Variants in PPARGC1B observed in about 807,000 individuals in gnomAD.
PPARGC1B encodes peroxisome proliferator-activated receptor gamma coactivator 1-beta.
A neutral mutation model predicts 101.6 loss-of-function variants in PPARGC1B; 34 were observed. The observed-to-expected ratio is 0.33, with a 90% CI of 0.25 to 0.45. The LOEUF is 0.45. PPARGC1B is among the 20% of genes least tolerant of loss of function. The pLI is 1.00. For synonymous variants in PPARGC1B, 548 were observed against 539.3 expected, an observed-to-expected ratio of 1.02 and a Z score of -0.22; for missense variants, 1,234 against 1,317.6, an observed-to-expected ratio of 0.94 and a Z score of 0.98.
chr5:149,786,699 T>C (rs1399432209), intron 1 of PPARGC1B, among the ~76,000 whole-genome samples: 5 of 152,178 alleles, frequency 3.3e-5, no homozygotes, highest in African/African-American at 1.2e-4. Context: ...GTTGAGAAGA[T>C]CAAGGGGAGG....
intron 1 of PPARGC1B, among the ~76,000 whole-genome samples, chr5:149,769,190 T>G (rs566676633): frequency 9.2e-5 from 14 of 152,344 alleles, no homozygotes; most frequent in African/African-American, 3.4e-4. Flanking sequence ...CTAATGCCGC[T>G]GCTGATCTTA....
intron 11 of PPARGC1B, chr5:149,847,013 A>C (rs1759590730): frequency 4.6e-6 from 1 of 216,070 alleles, no homozygotes; most frequent in African/African-American, 2.3e-5. Flanking sequence ...TGAACCCGAG[A>C]GGCAGAGGTT....
intron 1 of PPARGC1B, among the ~76,000 whole-genome samples, chr5:149,785,228 C>G (rs924373281): frequency 5.3e-5 from 8 of 151,682 alleles, no homozygotes; most frequent in African/African-American, 1.7e-4. Context: ...GGACCAGATG[C>G]CCTCTTTTAA....
At chr5:149,786,163 G>A (rs1041976053) in intron 1 of PPARGC1B, among the ~76,000 whole-genome samples, 6 of 152,000 alleles carry the variant, frequency 3.9e-5, no homozygotes, top group Admixed American at 6.6e-5. Context: ...CTCGATCTCC[G>A]CTCACTGCAA....
chr5:149,778,092 CACACACACACACACACACAG>C (rs1183022472), intron 1 of PPARGC1B, among the ~76,000 whole-genome samples: 1,679 of 133,950 alleles, frequency 0.013, 179 homozygotes, highest in Non-Finnish European at 0.019. Context: ...CACACACACA[CACACACACACACACACACAG>C]AGTACCCAGC....
At chr5:149,842,155 C>A in intron 9 of PPARGC1B, 101 bp from the exon 10 acceptor site, 3 of 1,442,196 alleles carry the variant, frequency 2.1e-6, no homozygotes, top group South Asian at 1.3e-5. Context: ...CTCAGCCAGG[C>A]ATCATGGACT....
intron 1 of PPARGC1B, among the ~76,000 whole-genome samples, chr5:149,786,440 T>C (rs928319633): frequency 6.6e-6 from 1 of 152,204 alleles, no homozygotes; most frequent in Non-Finnish European, 1.5e-5. Flanking sequence ...TTTTGCCATG[T>C]TGCCCAGGCT....
chr5:149,737,064 C>T (rs1379012038), intron 1 of PPARGC1B, among the ~76,000 whole-genome samples: 4 of 152,186 alleles, frequency 2.6e-5, no homozygotes, highest in African/African-American at 9.7e-5. Context: ...TCTACCTTTT[C>T]ATTTCTTCTG....
At chr5:149,847,395 TC>T (rs1270733836) in intron 11 of PPARGC1B, 62 bp from the exon 12 acceptor site, 6 of 1,229,374 alleles carry the variant, frequency 4.9e-6, no homozygotes, top group Non-Finnish European at 7.2e-6. Context: ...TCTTCAACCA[TC>T]CGGTCTTTGT....
downstream of PPARGC1B, among the ~76,000 whole-genome samples, chr5:149,856,554 C>T (rs1759956900): frequency 6.6e-6 from 1 of 152,190 alleles, no homozygotes; most frequent in South Asian, 2.1e-4. Context: ...CCTTTGGGAC[C>T]CATCTCTGCC....
chr5:149,785,615 C>T (rs532675641), intron 1 of PPARGC1B, among the ~76,000 whole-genome samples: 1 of 152,364 alleles, frequency 6.6e-6, no homozygotes, highest in South Asian at 2.1e-4. Flanking sequence ...GCCTTGGCCT[C>T]TACTCTGCCT....
At chr5:149,762,527 C>A (rs956970029) in intron 1 of PPARGC1B, among the ~76,000 whole-genome samples, 2 of 152,150 alleles carry the variant, frequency 1.3e-5, no homozygotes, top group African/African-American at 4.8e-5. Flanking sequence ...ACCCATGGGG[C>A]CTCTCAGTGA....
chr5:149,849,946 A>G lies in PPARGC1B; in HGVS notation c.*2388A>G, dbSNP rs1258673043. The G allele has an allele frequency of 6.6e-6, 1 of 152,236 alleles. No homozygotes were observed. The highest frequency in any genetic ancestry group is 2.4e-5 in the African/African-American group (1 of 41,456). 9.4% of individuals were successfully genotyped at this position (152,236 alleles called of 1,614,324 possible). Reference sequence around the variant, plus strand: ...ATTCACTGCCTAGCACATAGTAGGCACACAATAAATGATTATGGAATGGGA... The same window carrying G: ...ATTCACTGCCTAGCACATAGTAGGCGCACAATAAATGATTATGGAATGGGA... On this transcript the variant is annotated 3_prime_UTR_variant, in exon 12 of 12. Transcript: ENST00000309241.
chr5:149,746,709 T>G (rs1032495861), intron 1 of PPARGC1B, among the ~76,000 whole-genome samples: 4 of 152,194 alleles, frequency 2.6e-5, no homozygotes, highest in Non-Finnish European at 5.9e-5. Flanking sequence ...CATTTAACAT[T>G]CCTACCAACA....
chr5:149,842,517 C>A (rs562603771), intron 10 of PPARGC1B, 140 bp downstream of exon 10: 2 of 1,189,138 alleles, frequency 1.7e-6, no homozygotes, highest in East Asian at 2.4e-5. Flanking sequence ...AAGCCAGGCC[C>A]ATGAGAAGGA....
chr5:149,769,172 A>G lies in PPARGC1B; in HGVS notation c.78+38752A>G, dbSNP rs190815989. On this transcript the variant is annotated intron_variant, in intron 1 of 11. Coordinates refer to ENST00000309241, the MANE Select transcript of PPARGC1B (RefSeq NM_133263.4). ...AGTTCACAATAGGGGTTGTGCTCCT[A>G]TGAGAATCTAATGCCGCTGCTGATC... 5.4e-4 allele frequency among the ~76,000 whole-genome samples: 83 copies of G among 152,344 alleles called. 1 individual carries two copies. In the East Asian group the frequency reaches 0.015, roughly 27 times the overall value.
intron 1 of PPARGC1B, among the ~76,000 whole-genome samples, chr5:149,761,237 GTGTGTGTGTGCTTGTGTGTATGTGTC>G (rs1266226490): frequency 6.6e-6 from 1 of 152,108 alleles, no homozygotes; most frequent in African/African-American, 2.4e-5. Flanking sequence ...AGTTATCTTT[GTGTGTGTGTGCTTGTGTGTATGTGTC>G]TGTGTGTGTG....
At chr5:149,804,332 T>C (rs1379565376) in intron 1 of PPARGC1B, among the ~76,000 whole-genome samples, 1 of 152,236 alleles carries the variant, frequency 6.6e-6, no homozygotes, top group African/African-American at 2.4e-5. Flanking sequence ...GGACAGTTTA[T>C]ATTCTGGAGA....
At chr5:149,825,920 A>G (rs531044132) in intron 2 of PPARGC1B, among the ~76,000 whole-genome samples, 35 of 152,228 alleles carry the variant, frequency 2.3e-4, no homozygotes, top group Non-Finnish European at 3.8e-4. Flanking sequence ...TCACAGTAGC[A>G]AGTGCTTTTA....
Sources: gnomAD v4.1 joint callset for allele counts (sites outside exome capture counted in the v4.1 genomes callset) on GRCh38, gnomAD v4.1.1 for gene constraint, MANE v1.5 for transcripts, NCBI Gene and HGNC (gene_info 2026-07-23, HGNC 2026-07-21) for gene names.